Variants in KAZN observed in about 807,000 individuals in gnomAD.
KAZN encodes the protein kazrin, periplakin interacting protein, also known as kazrin.
KAZN carries 40 observed loss-of-function variants against 87.4 expected under a neutral mutation model. The observed-to-expected ratio is 0.46, with a 90% CI of 0.36 to 0.60. The LOEUF (loss-of-function observed/expected upper bound fraction) is 0.60, where lower values mean the gene tolerates loss of function less well. Among genes scored for constraint, KAZN ranks in the 20% least tolerant of loss-of-function variants. The probability of loss-of-function intolerance (pLI) is 0.00; values close to 1 mark genes in which losing one functional copy is unlikely to be tolerated. For synonymous variants in KAZN, 466 were observed against 458.3 expected, an observed-to-expected ratio of 1.02 and a Z score of -0.22; for missense variants, 898 against 1,073.9, an observed-to-expected ratio of 0.84 and a Z score of 2.29.
In KAZN at chr1:14,484,424, G is replaced by A. The variant is rs182964457; in HGVS notation, c.250-114559G>A. On this transcript the variant is annotated intron_variant, in intron 2 of 16. Transcript: ENST00000636203. Reference sequence around the variant, plus strand: ...AATTTAGCCAGTCCACAATATATTCGTGTTTCAAAATATCAGGTTGTATAC... The same window carrying A: ...AATTTAGCCAGTCCACAATATATTCATGTTTCAAAATATCAGGTTGTATAC... Among the ~76,000 whole-genome samples the A allele has an allele frequency of 8.2e-4, 125 of 152,230 alleles. 1 individual carries two copies. The South Asian group carries it at 0.011, about 13-fold the overall frequency.
At chr1:14,321,483 G>T (rs1015914096) in intron 2 of KAZN, among the ~76,000 whole-genome samples, 3 of 152,160 alleles carry the variant, frequency 2.0e-5, no homozygotes, top group African/African-American at 7.2e-5. Context: ...GGGGCATGCA[G>T]CATTTTTAAG....
At chr1:14,858,203 C>CTTTTTTTTTTTTTT (rs1388659468) in intron 1 of KAZN, among the ~76,000 whole-genome samples, 14 of 95,094 alleles carry the variant, frequency 1.5e-4, no homozygotes, top group African/African-American at 7.4e-4. Flanking sequence ...TTTCTTTTTT[C>CTTTTTTTTTTTTTT]TTTTTCTTTT....
intron 2 of KAZN, among the ~76,000 whole-genome samples, chr1:14,455,892 T>C (rs1388073100): frequency 2.0e-5 from 3 of 152,176 alleles, no homozygotes; most frequent in Non-Finnish European, 1.5e-5. Context: ...CATATTTTGC[T>C]GAAAAAGAAA....
chr1:14,383,824 TTAAAG>T (rs1419777012), intron 2 of KAZN, among the ~76,000 whole-genome samples: 2 of 152,144 alleles, frequency 1.3e-5, no homozygotes, highest in Non-Finnish European at 2.9e-5. Context: ...CATATGAACT[TTAAAG>T]TAGTTTTTCC....
intron 2 of KAZN, among the ~76,000 whole-genome samples, chr1:15,007,674 A>G (rs1669163112): frequency 6.6e-6 from 1 of 152,144 alleles, no homozygotes; most frequent in African/African-American, 2.4e-5. Flanking sequence ...CCGGGCAGGT[A>G]GCTCACCTGC....
chr1:14,929,839 C>T (rs1369825325), intron 1 of KAZN: 2 of 985,372 alleles, frequency 2.0e-6, no homozygotes, highest in Non-Finnish European at 2.4e-6. Flanking sequence ...TTCACAAGGA[C>T]AACCTCTGTC....
intron 1 of KAZN, among the ~76,000 whole-genome samples, chr1:14,050,207 T>C (rs1355030274): frequency 2.0e-5 from 3 of 151,914 alleles, no homozygotes; most frequent in Admixed American, 6.6e-5. Context: ...TGTGCACATG[T>C]GTGGGCATGC....
At chr1:14,896,869 C>G (rs757400163) in intron 1 of KAZN, among the ~76,000 whole-genome samples, 1 of 152,118 alleles carries the variant, frequency 6.6e-6, no homozygotes, top group Non-Finnish European at 1.5e-5. Context: ...GCAAAGAGAC[C>G]TGGGTTTAGA....
chr1:15,023,523 C>A lies in KAZN; in HGVS notation c.419-11226C>A, dbSNP rs79299958. 3.4e-3 allele frequency among the ~76,000 whole-genome samples: 519 copies of A among 152,086 alleles called. 17 individuals are homozygous for A. The East Asian group carries it at 0.079, about 23-fold the overall frequency. On this transcript the variant is annotated intron_variant, in intron 2 of 14. Transcript: ENST00000376030. ...ATGGACAGCCAGGAGGCCAGGGCAG[C>A]TTCCCCGGAATGTGAGCTGGGGGAG...
At chr1:14,892,527 C>A (rs767039934) in intron 1 of KAZN, among the ~76,000 whole-genome samples, 8 of 152,066 alleles carry the variant, frequency 5.3e-5, no homozygotes, top group Non-Finnish European at 1.0e-4. Context: ...CCCCTGACAG[C>A]CCATGGGAGC....
intron 2 of KAZN, among the ~76,000 whole-genome samples, chr1:14,513,415 C>A (rs1671023101): frequency 1.3e-5 from 2 of 152,156 alleles, no homozygotes; most frequent in African/African-American, 4.8e-5. Flanking sequence ...CTGGGAATAG[C>A]AGCCATTTTC....
intron 1 of KAZN, among the ~76,000 whole-genome samples, chr1:14,673,823 C>T (rs911150609): frequency 2.0e-5 from 3 of 152,194 alleles, no homozygotes; most frequent in African/African-American, 7.2e-5. Context: ...GGAGTCTTAA[C>T]ACCTTAATGT....
At chr1:14,601,584 C>G (rs1261399599) in intron 1 of KAZN, among the ~76,000 whole-genome samples, 1 of 152,092 alleles carries the variant, frequency 6.6e-6, no homozygotes, top group Non-Finnish European at 1.5e-5. Context: ...TAAAAAGAAG[C>G]CTTGAGTTCT....
intron 2 of KAZN, among the ~76,000 whole-genome samples, chr1:14,968,600 T>A (rs548007918): frequency 6.6e-6 from 1 of 152,250 alleles, no homozygotes; most frequent in Non-Finnish European, 1.5e-5. Context: ...TCTGTTTCCT[T>A]TAGAAACGCC....
intron 1 of KAZN, among the ~76,000 whole-genome samples, chr1:14,881,760 G>A (rs1033727052): frequency 6.6e-6 from 1 of 152,196 alleles, no homozygotes; most frequent in Non-Finnish European, 1.5e-5. Context: ...ATTTTGAATC[G>A]ATTTGCTCCC....
intron 1 of KAZN, among the ~76,000 whole-genome samples, chr1:14,944,530 T>C (rs1170372486): frequency 6.6e-6 from 1 of 152,204 alleles, no homozygotes; most frequent in Non-Finnish European, 1.5e-5. Flanking sequence ...GGGACACGAA[T>C]GAACTGCCCC....
At chr1:14,355,258 T>G (rs1658912068) in intron 2 of KAZN, among the ~76,000 whole-genome samples, 1 of 152,178 alleles carries the variant, frequency 6.6e-6, no homozygotes, top group Non-Finnish European at 1.5e-5. Flanking sequence ...TTTATCAAAA[T>G]TGATCTTTTG....
chr1:14,077,781 G>A (rs2101579627), intron 1 of KAZN, among the ~76,000 whole-genome samples: 1 of 152,246 alleles, frequency 6.6e-6, no homozygotes, highest in Non-Finnish European at 1.5e-5. Context: ...GGGGTGGGGG[G>A]ATATGGCTGG....
intron 2 of KAZN, among the ~76,000 whole-genome samples, chr1:14,513,506 C>T (rs946926586): frequency 9.2e-5 from 14 of 152,028 alleles, no homozygotes; most frequent in African/African-American, 1.9e-4. Flanking sequence ...AGCTAAAGAA[C>T]GGGGAATCTC....
Sources: gnomAD v4.1 joint callset for allele counts (sites outside exome capture counted in the v4.1 genomes callset) on GRCh38, gnomAD v4.1.1 for gene constraint, MANE v1.5 for transcripts, NCBI Gene and HGNC (gene_info 2026-07-23, HGNC 2026-07-21) for gene names.